Variants in NBEAL1 observed in about 807,000 individuals in gnomAD.
The protein encoded by NBEAL1 is neurobeachin like 1, also known as neurobeachin-like protein 1.
Under a neutral mutation model 351.3 loss-of-function variants are expected in NBEAL1, and 273 were observed. The observed-to-expected ratio is 0.78, with a 90% CI of 0.70 to 0.86. NBEAL1 has a LOEUF of 0.86. Among genes scored for constraint, NBEAL1 ranks in the 40% least tolerant of loss-of-function variants. NBEAL1 has a pLI of 0.00. For missense variants in NBEAL1, 2,961 were observed against 3,201.3 expected, an observed-to-expected ratio of 0.92 and a Z score of 1.81; for synonymous variants, 1,050 against 1,086.4, an observed-to-expected ratio of 0.97 and a Z score of 0.66.
chr2:203,116,198 A>G (rs748996191), intron 18 of NBEAL1, 128 bp downstream of exon 18: 2 of 684,326 alleles, frequency 2.9e-6, no homozygotes, highest in Non-Finnish European at 5.0e-6. Flanking sequence ...CAAAATAATC[A>G]TGAATTTTCA....
chr2:203,072,744 C>T (rs2061702688), intron 7 of NBEAL1, among the ~76,000 whole-genome samples: 1 of 152,160 alleles, frequency 6.6e-6, no homozygotes, highest in South Asian at 2.1e-4. Flanking sequence ...ACCAGAATTG[C>T]CCTGAAGGTC....
intron 8 of NBEAL1, among the ~76,000 whole-genome samples, chr2:203,081,793 G>A (rs1439239983): frequency 6.6e-6 from 1 of 152,180 alleles, no homozygotes; most frequent in Non-Finnish European, 1.5e-5. Flanking sequence ...AATGGCATGT[G>A]TCAAGTATCT....
intron 43 of NBEAL1, 84 bp downstream of exon 43, chr2:203,180,596 T>A (rs1483263413): frequency 8.3e-7 from 1 of 1,209,036 alleles, no homozygotes; most frequent in Non-Finnish European, 1.1e-6. Context: ...TTTTGTAATA[T>A]CCTGTAGATT....
At chr2:203,023,994 T>C (rs183744822) in intron 2 of NBEAL1, among the ~76,000 whole-genome samples, 6 of 151,914 alleles carry the variant, frequency 3.9e-5, no homozygotes, top group African/African-American at 4.8e-5. Context: ...TTTGTAAGTT[T>C]AAATGAGAGA....
intron 47 of NBEAL1, among the ~76,000 whole-genome samples, chr2:203,196,128 A>C (rs1191493311): frequency 6.6e-6 from 1 of 152,254 alleles, no homozygotes; most frequent in African/African-American, 2.4e-5. Flanking sequence ...TCTGATGGAC[A>C]TGCAATACTA....
intron 6 of NBEAL1, among the ~76,000 whole-genome samples, chr2:203,067,973 A>G (rs544782006): frequency 3.3e-5 from 5 of 152,222 alleles, no homozygotes; most frequent in Non-Finnish European, 7.4e-5. Flanking sequence ...AAGCTAATGT[A>G]TGGCCTCATT....
At chr2:203,148,485 T>A (rs2063564853) in intron 33 of NBEAL1, among the ~76,000 whole-genome samples, 1 of 152,138 alleles carries the variant, frequency 6.6e-6, no homozygotes. Context: ...TTTTAGTTTC[T>A]AATAGATGAA....
chr2:203,038,370 A>G (rs1408271990), intron 2 of NBEAL1, among the ~76,000 whole-genome samples: 1 of 148,910 alleles, frequency 6.7e-6, no homozygotes, highest in Non-Finnish European at 1.5e-5. Context: ...CACTAACATG[A>G]TATAGTTTTT....
chr2:203,093,416 TG>T (rs2062110143), intron 10 of NBEAL1, among the ~76,000 whole-genome samples: 1 of 152,174 alleles, frequency 6.6e-6, no homozygotes, highest in Non-Finnish European at 1.5e-5. Context: ...GCTATCATGA[TG>T]GTGAGCTAAT....
Position 203,127,898 on chromosome 2 carries a change from T to A in NBEAL1, c.3366T>A (p.Ser1122Arg). 6.4e-7 allele frequency: 1 copy of A among 1,552,166 alleles called. No homozygotes were observed. Among genetic ancestry groups the A allele is most frequent in the Non-Finnish European group, 8.7e-7 (1 of 1,146,174 alleles). Residue 1122 changes from serine to arginine, a missense_variant, in exon 24 of 56, where the codon AGT (serine) becomes AGA (arginine). Coordinates refer to ENST00000683969, the MANE Select transcript of NBEAL1 (RefSeq NM_001378026.1). ...CKGGSHEEIQ[S>R]IMGYIAATNE... is the part of the protein sequence containing the mutation. ...GTGGATCTCATGAAGAGATACAAAGTATTATGGGGTACATAGCTGCTACTA... is the reference window on the plus strand; with the variant it reads ...GTGGATCTCATGAAGAGATACAAAGAATTATGGGGTACATAGCTGCTACTA...
chr2:203,121,657 A>G (rs1232974092), intron 18 of NBEAL1, among the ~76,000 whole-genome samples: 1 of 151,828 alleles, frequency 6.6e-6, no homozygotes, highest in African/African-American at 2.4e-5. Context: ...TGTCTCCAAA[A>G]AAAAAAAAAA....
intron 3 of NBEAL1, among the ~76,000 whole-genome samples, chr2:203,045,291 A>G (rs1319077839): frequency 6.6e-6 from 1 of 152,182 alleles, no homozygotes; most frequent in East Asian, 1.9e-4. Flanking sequence ...TCTTGTTGAC[A>G]TATGTTTTTG....
At chr2:203,059,019 A>C (rs1335371120) in intron 6 of NBEAL1, among the ~76,000 whole-genome samples, 2 of 152,164 alleles carry the variant, frequency 1.3e-5, no homozygotes, top group African/African-American at 4.8e-5. Flanking sequence ...TTTCAACTTA[A>C]CATGACCCAT....
chr2:203,157,592 A>G (rs1438080846), intron 35 of NBEAL1, 107 bp from the exon 36 acceptor site: 9 of 747,322 alleles, frequency 1.2e-5, no homozygotes, highest in South Asian at 3.3e-5. Flanking sequence ...TAATATACAT[A>G]TTGTTATATC....
chr2:203,148,244 T>G (rs1016072078), intron 33 of NBEAL1, among the ~76,000 whole-genome samples: 14 of 152,020 alleles, frequency 9.2e-5, no homozygotes, highest in Admixed American at 2.0e-4. Flanking sequence ...ATTTTACACA[T>G]GAGAGGACAC....
At chr2:203,166,060 AAG>A (rs2064120290) in intron 36 of NBEAL1, 87 bp from the exon 37 acceptor site, 1 of 1,239,358 alleles carries the variant, frequency 8.1e-7, no homozygotes, top group East Asian at 2.9e-5. Flanking sequence ...AAAGAAAAAA[AAG>A]AGATTATATT....
chr2:203,016,491 G>T, intron 2 of NBEAL1, 56 bp downstream of exon 2: 1 of 1,146,228 alleles, frequency 8.7e-7, no homozygotes, highest in South Asian at 1.9e-5. Context: ...TAAAATTTGT[G>T]ACTGGCAGTA....
chr2:203,168,444 G>A (rs1232277525), intron 38 of NBEAL1, among the ~76,000 whole-genome samples: 3 of 152,148 alleles, frequency 2.0e-5, no homozygotes, highest in South Asian at 2.1e-4. Context: ...CTAGCTGGTC[G>A]TGGTGGCACA....
At chr2:203,107,095 A>G (rs1040450633) in intron 12 of NBEAL1, among the ~76,000 whole-genome samples, 1 of 152,150 alleles carries the variant, frequency 6.6e-6, no homozygotes, top group Non-Finnish European at 1.5e-5. Flanking sequence ...CTACTACTAT[A>G]GTAATTACAA....
Sources: allele counts gnomAD v4.1 joint callset (sites outside exome capture counted in the v4.1 genomes callset), GRCh38; gene constraint gnomAD v4.1.1; transcripts MANE v1.5; gene names NCBI Gene and HGNC (gene_info 2026-07-23, HGNC 2026-07-21).